LAMC3: variants seen among roughly 807,000 people sequenced by gnomAD.
The protein encoded by LAMC3 is laminin subunit gamma-3.
In LAMC3, 128 loss-of-function variants were observed where a neutral mutation model predicts 173.8. The observed-to-expected ratio is 0.74, with a 90% confidence interval of 0.64 to 0.85. The LOEUF (loss-of-function observed/expected upper bound fraction) is 0.85, where lower values mean the gene tolerates loss of function less well. LAMC3 is among the 40% of genes least tolerant of loss of function. The pLI is 0.00. For synonymous variants in LAMC3, 897 were observed against 909.1 expected (o/e 0.99, Z 0.24); for missense variants, 2,022 against 2,156.0 (o/e 0.94, Z 1.23).
In LAMC3 at chr9:131,082,110, GCTGCGA is replaced by G. The variant is rs1830253228; in HGVS notation, c.3981_3986del (p.Ala1328_Thr1329del). ...GACCCAGGCTTCCTCATCTGTCCAG[GCTGCGA>G]CAGTGACTGTCATGGGAGCCAGGAC... On this transcript the variant is annotated inframe_deletion, in exon 24 of 28. Transcript: ENST00000361069. 6.2e-7 allele frequency: 1 copy of G among 1,613,900 alleles called. No individual in the cohort carries two copies. Among genetic ancestry groups the G allele is most frequent in the Non-Finnish European group, 8.5e-7 (1 of 1,180,010 alleles).
intron 27 of LAMC3, among the ~76,000 whole-genome samples, chr9:131,089,893 G>A (rs956939139): frequency 1.4e-4 from 22 of 152,344 alleles, no homozygotes; most frequent in African/African-American, 5.0e-4. Context: ...TTGACGCAAG[G>A]ACAGTTATTC....
chr9:131,057,078 CAGGGGG>C lies in LAMC3; in HGVS notation c.2090_2095del (p.Gln697_Gly699delinsArg). On this transcript the variant is annotated inframe_deletion, in exon 12 of 28. Coordinates refer to ENST00000361069, the MANE Select transcript of LAMC3 (RefSeq NM_006059.4). ...TCCGGGATACAAGAGGGAGATGCCA[CAGGGGG>C]GTCCCTATGCCAGCTGTGTCCCCTG... 6.2e-7 allele frequency: 1 copy of C among 1,614,194 alleles called. No individual in the cohort carries two copies. Among genetic ancestry groups the C allele is most frequent in the South Asian group, 1.1e-5 (1 of 91,088 alleles).
intron 17 of LAMC3, among the ~76,000 whole-genome samples, chr9:131,070,785 A>G (rs1044162903): frequency 1.3e-5 from 2 of 152,238 alleles, no homozygotes; most frequent in Non-Finnish European, 2.9e-5. Context: ...CCCATAGTCA[A>G]GCCCAGTGAT....
In LAMC3 at chr9:131,091,533, A is replaced by G; in HGVS notation, c.4478-4A>G. 1 of 1,576,404 alleles carries G rather than the reference A, an allele frequency of 6.3e-7. No individual in the cohort carries two copies. Among genetic ancestry groups the G allele is most frequent in the South Asian group, 1.2e-5 (1 of 86,366 alleles). On this transcript the variant is annotated splice_region_variant and splice_polypyrimidine_tract_variant and intron_variant, in intron 27 of 27. Coordinates refer to ENST00000361069, the MANE Select transcript of LAMC3 (RefSeq NM_006059.4). ...ACAGTGAGGCTGTTTGTGCCCCACC[A>G]CAGGGTCGCTGGACACCCATCAAGC...
At position 131,009,385 on chromosome 9, in the gene LAMC3, G is replaced by T. The variant is rs1284476034; in HGVS notation, c.171G>T (p.Pro57=). 7 of 1,529,318 alleles carry T rather than the reference G, an allele frequency of 4.6e-6. No individual in the cohort carries two copies. Among genetic ancestry groups the T allele is most frequent in the Non-Finnish European group, 6.1e-6 (7 of 1,142,192 alleles). The allele number at this position is 1,529,318 out of a possible 1,614,324, so 94.7% of individuals were successfully genotyped here. Residue 57 remains proline, a synonymous_variant, in exon 1 of 28, where the codon CCG becomes CCT. Coordinates refer to ENST00000361069, the MANE Select transcript of LAMC3 (RefSeq NM_006059.4). This position sits in a 1 kb window ranked among gnomAD's most constrained non-coding sequence, Gnocchi z 4.3. ...AGGCCTCGCACACGTGCGGCAGCCC[G>T]CCCGAGGACTTCTGTCCCCACGTGG... ...LAQASHTCGS[P]PEDFCPHVGA...
At position 131,058,973 on chromosome 9, in the gene LAMC3, G is replaced by A. The variant is rs144758874; in HGVS notation, c.2158+1826G>A. ...AGCACTTTGGGAGGCCAAGGCAGGTGGATCACCTGAGGTTGGGGGTTCAAG... is the reference window on the plus strand; with the variant it reads ...AGCACTTTGGGAGGCCAAGGCAGGTAGATCACCTGAGGTTGGGGGTTCAAG... On this transcript the variant is annotated intron_variant, in intron 12 of 27. Transcript: ENST00000361069. Among the ~76,000 whole-genome samples the A allele has an allele frequency of 5.2e-3, 771 of 148,456 alleles. 13 individuals are homozygous for A. The highest frequency in any genetic ancestry group is 0.018 in the African/African-American group (718 of 40,040).
intron 13 of LAMC3, among the ~76,000 whole-genome samples, chr9:131,065,118 A>G (rs932084327): frequency 6.6e-6 from 1 of 151,980 alleles, no homozygotes; most frequent in Non-Finnish European, 1.5e-5. Flanking sequence ...CCAGGGGACC[A>G]TGGCTATTAT....
chr9:131,030,597 C>G (rs1190205335), intron 2 of LAMC3, among the ~76,000 whole-genome samples: 2 of 152,216 alleles, frequency 1.3e-5, no homozygotes, highest in African/African-American at 4.8e-5. Context: ...CTTCAGTCTC[C>G]TCATCTTTAA....
chr9:131,061,784 T>C (rs998284215), intron 13 of LAMC3, among the ~76,000 whole-genome samples: 1 of 152,018 alleles, frequency 6.6e-6, no homozygotes, highest in African/African-American at 2.4e-5. Flanking sequence ...GTGTGGTGGC[T>C]CATGCCTGTA....
chr9:131,083,307 A>G (rs1830274847), intron 24 of LAMC3, among the ~76,000 whole-genome samples: 1 of 152,082 alleles, frequency 6.6e-6, no homozygotes, highest in Admixed American at 6.6e-5. Context: ...ATTTCCTTGC[A>G]CTGTTCCCAT....
At chr9:131,034,648 A>G (rs1266574657) in intron 3 of LAMC3, among the ~76,000 whole-genome samples, 1 of 152,182 alleles carries the variant, frequency 6.6e-6, no homozygotes, top group Non-Finnish European at 1.5e-5. Flanking sequence ...TGGAATGGGG[A>G]CGCTAATGTC....
rs759390972 is a variant in LAMC3 at position 131,072,847 on chromosome 9, G to A, written c.3417+12G>A. 1.8e-5 allele frequency: 29 copies of A among 1,605,632 alleles called. No individual in the cohort carries two copies. Among genetic ancestry groups the A allele is most frequent in the Non-Finnish European group, 2.3e-5 (27 of 1,176,018 alleles). On this transcript the variant is annotated intron_variant, in intron 19 of 27. Transcript: ENST00000361069. ...TTCTCGCGTCTCTGGTATCCCAGGGGACCCCCCTACCCGAACACACCAAAC... is the reference window on the plus strand; with the variant it reads ...TTCTCGCGTCTCTGGTATCCCAGGGAACCCCCCTACCCGAACACACCAAAC...
chr9:131,037,410 A>G (rs1833966848), intron 4 of LAMC3, among the ~76,000 whole-genome samples: 1 of 152,006 alleles, frequency 6.6e-6, no homozygotes, highest in Non-Finnish European at 1.5e-5. Context: ...TGTCCATTGC[A>G]GCCGATGCCT....
chr9:131,053,007 C>CAGGT (rs1237646961), intron 11 of LAMC3, 42 bp downstream of exon 11: 1 of 1,446,002 alleles, frequency 6.9e-7, no homozygotes, highest in East Asian at 2.3e-5. Flanking sequence ...GAGTGCTTGC[C>CAGGT]AGGTCTCAGA....
Position 131,077,322 on chromosome 9 carries a change from C to T in LAMC3, c.3765C>T (p.Ser1255=), listed in dbSNP as rs148370295. ...CCCCGTACCTGGCCTTGCTGGCTTCCCCGGGAGCTCTGGTCAGCTCAGTTG... is the reference window on the plus strand; with the variant it reads ...CCCCGTACCTGGCCTTGCTGGCTTCTCCGGGAGCTCTGGTCAGCTCAGTTG... The part of the protein sequence containing the change: ...DTAPYLALLA[S]PGALPQKSRA... Residue 1255 remains serine (S), a synonymous_variant, in exon 22 of 28, where the codon TCC becomes TCT. Transcript: ENST00000361069. 23 of 1,613,866 alleles carry T rather than the reference C, an allele frequency of 1.4e-5. No individual in the cohort carries two copies. The highest frequency in any genetic ancestry group is 1.9e-5 in the Non-Finnish European group (23 of 1,180,030).
At chr9:131,013,893 C>T (rs1362493403) in intron 1 of LAMC3, among the ~76,000 whole-genome samples, 3 of 152,208 alleles carry the variant, frequency 2.0e-5, no homozygotes, top group African/African-American at 7.2e-5. Context: ...GCCTTGGCTC[C>T]GTTCTGTCTT....
chr9:131,046,945 A>C (rs1834176399), intron 8 of LAMC3, among the ~76,000 whole-genome samples: 1 of 152,140 alleles, frequency 6.6e-6, no homozygotes, highest in Non-Finnish European at 1.5e-5. Flanking sequence ...GGACCGAGAG[A>C]TGCGCGGACC....
chr9:131,062,179 G>A (rs534049733), intron 13 of LAMC3, among the ~76,000 whole-genome samples: 4 of 152,032 alleles, frequency 2.6e-5, no homozygotes, highest in Non-Finnish European at 4.4e-5. Flanking sequence ...TGGCTAACAC[G>A]GTGAAACCCG....
At chr9:131,053,267 C>T (rs1249020990) in intron 11 of LAMC3, among the ~76,000 whole-genome samples, 1 of 152,198 alleles carries the variant, frequency 6.6e-6, no homozygotes, top group Admixed American at 6.5e-5. Context: ...TGTGCTCACT[C>T]CACCTTCACT....
Sources: allele counts gnomAD v4.1 joint callset (sites outside exome capture counted in the v4.1 genomes callset), GRCh38; gene constraint gnomAD v4.1.1; non-coding constraint Gnocchi (gnomAD v3.1); transcripts MANE v1.5; gene names NCBI Gene and HGNC (gene_info 2026-07-23, HGNC 2026-07-21).